The following FAM193A variants were observed in gnomAD, a reference collection of about 807,000 sequenced individuals.
FAM193A encodes the protein protein FAM193A.
In FAM193A, 22 loss-of-function variants were observed where a neutral mutation model predicts 126.5. That is an observed-to-expected ratio of 0.17 (90% confidence interval 0.12 to 0.25). The LOEUF is 0.25. FAM193A is among the 10% of genes least tolerant of loss of function. The pLI, the probability that FAM193A is intolerant of heterozygous loss-of-function variation, is 1.00. For missense variants in FAM193A, 1,675 were observed against 1,672.8 expected, an observed-to-expected ratio of 1.00 and a Z score of -0.02; for synonymous variants, 761 against 646.8, an observed-to-expected ratio of 1.18 and a Z score of -2.68.
chr4:2,728,098 A>T (rs1360471616), intron 20 of FAM193A, among the ~76,000 whole-genome samples: 3 of 151,852 alleles, frequency 2.0e-5, no homozygotes, highest in Non-Finnish European at 4.4e-5. Context: ...CGCCTGGCTA[A>T]TTTTGTATTT....
intron 1 of FAM193A, among the ~76,000 whole-genome samples, chr4:2,590,506 C>A (rs143648605): frequency 0.032 from 1,024 of 32,222 alleles, 40 homozygotes; most frequent in African/African-American, 0.041. Context: ...CAAAAAAAAA[C>A]AAAAAAAAAA....
intron 8 of FAM193A, among the ~76,000 whole-genome samples, chr4:2,658,982 C>T (rs971337286): frequency 5.2e-4 from 79 of 152,162 alleles, no homozygotes; most frequent in African/African-American, 1.9e-3. Context: ...AACTCCTGAC[C>T]TCAGGTGATC....
chr4:2,608,127 AGATT>A, intron 2 of FAM193A: 1 of 1,603,414 alleles, frequency 6.2e-7, no homozygotes, highest in African/African-American at 1.3e-5. Flanking sequence ...ATCTCCTTGT[AGATT>A]GATCTTAACC....
chr4:2,724,050 A>C (rs1367052514), intron 20 of FAM193A, among the ~76,000 whole-genome samples: 1 of 150,714 alleles, frequency 6.6e-6, no homozygotes, highest in Non-Finnish European at 1.5e-5. Flanking sequence ...TTTTCAGCTT[A>C]CTCAAAAGAT....
chr4:2,560,902 C>G (rs559892381), intron 1 of FAM193A, among the ~76,000 whole-genome samples: 10 of 152,184 alleles, frequency 6.6e-5, no homozygotes, highest in African/African-American at 2.4e-4. Context: ...CCTCACCTGC[C>G]TCAGCCTCCC....
intron 1 of FAM193A, among the ~76,000 whole-genome samples, chr4:2,590,539 A>T (rs2108896988): frequency 6.6e-6 from 1 of 151,646 alleles, no homozygotes; most frequent in African/African-American, 2.4e-5. Context: ...AAAAAACAGA[A>T]AATTGTGATT....
At chr4:2,608,479 C>T (rs1741675134) in intron 2 of FAM193A, among the ~76,000 whole-genome samples, 1 of 152,210 alleles carries the variant, frequency 6.6e-6, no homozygotes, top group Non-Finnish European at 1.5e-5. Context: ...TCCCAAAGTG[C>T]TGGGATTACA....
chr4:2,584,838 T>C (rs1395464269), intron 1 of FAM193A, among the ~76,000 whole-genome samples: 4 of 152,012 alleles, frequency 2.6e-5, no homozygotes, highest in African/African-American at 2.4e-5. Flanking sequence ...GGCAGGAGAA[T>C]TGCTTCAACC....
intron 19 of FAM193A, among the ~76,000 whole-genome samples, chr4:2,700,977 G>T (rs188697837): frequency 0.023 from 3,421 of 150,590 alleles, 118 homozygotes; most frequent in African/African-American, 0.071. Flanking sequence ...AATACATATA[G>T]AGAGAGAGAG....
At chr4:2,676,798 G>T (rs184796591) in intron 13 of FAM193A, among the ~76,000 whole-genome samples, 5 of 152,072 alleles carry the variant, frequency 3.3e-5, no homozygotes, top group Admixed American at 6.6e-5. Flanking sequence ...AAAATTAGCC[G>T]GGTGTGGTGG....
chr4:2,680,787 G>T (rs57644716), intron 13 of FAM193A, among the ~76,000 whole-genome samples: 3,918 of 151,876 alleles, frequency 0.026, 182 homozygotes, highest in African/African-American at 0.089. Flanking sequence ...GATTACAGGC[G>T]CCCACCACCA....
chr4:2,550,153 C>T (rs906967251), intron 1 of FAM193A, among the ~76,000 whole-genome samples: 3 of 151,528 alleles, frequency 2.0e-5, no homozygotes, highest in African/African-American at 4.8e-5. Context: ...TCTTGTGCCT[C>T]AGCCTCACAG....
intron 7 of FAM193A, among the ~76,000 whole-genome samples, chr4:2,652,891 A>C (rs79533657): frequency 0.018 from 2,727 of 152,346 alleles, 65 homozygotes; most frequent in African/African-American, 0.052. Context: ...ACCGTTACCG[A>C]GTGCTGTGCC....
intron 19 of FAM193A, among the ~76,000 whole-genome samples, chr4:2,703,862 C>T (rs1435900315): frequency 6.7e-6 from 1 of 150,298 alleles, no homozygotes; most frequent in Non-Finnish European, 1.5e-5. Context: ...GTCCCAGCTA[C>T]TTGGGAGGCT....
intron 7 of FAM193A, among the ~76,000 whole-genome samples, chr4:2,650,841 C>T (rs34084581): frequency 0.046 from 7,011 of 152,214 alleles, 256 homozygotes; most frequent in African/African-American, 0.097. Context: ...TAGCCGCCCA[C>T]GGTACACTCT....
chr4:2,715,907 A>G, intron 19 of FAM193A, 116 bp from the exon 20 acceptor site: 2 of 740,846 alleles, frequency 2.7e-6, no homozygotes. Flanking sequence ...CATTTTAGAA[A>G]AAATGTTTAC....
intron 14 of FAM193A, among the ~76,000 whole-genome samples, chr4:2,690,027 C>A (rs939720115): frequency 1.3e-5 from 2 of 152,240 alleles, no homozygotes; most frequent in Non-Finnish European, 2.9e-5. Context: ...AATTCTCGAG[C>A]AGTGGTGACA....
At chr4:2,723,820 G>GT (rs1463225451) in intron 20 of FAM193A, among the ~76,000 whole-genome samples, 3 of 152,036 alleles carry the variant, frequency 2.0e-5, no homozygotes, top group South Asian at 2.1e-4. Context: ...GTTTTGTTTT[G>GT]TTTTTTTGAG....
At chr4:2,557,439 T>C (rs1279581610) in intron 1 of FAM193A, among the ~76,000 whole-genome samples, 1 of 152,234 alleles carries the variant, frequency 6.6e-6, no homozygotes, top group African/African-American at 2.4e-5. Flanking sequence ...CATTATTAAC[T>C]ACAGATTATT....
Sources: allele counts gnomAD v4.1 joint callset (sites outside exome capture counted in the v4.1 genomes callset), GRCh38; gene constraint gnomAD v4.1.1; transcripts MANE v1.5; gene names NCBI Gene and HGNC (gene_info 2026-07-23, HGNC 2026-07-21).